The following RUBCN variants were observed in gnomAD, a reference collection of about 807,000 sequenced individuals.
The protein encoded by RUBCN is run domain Beclin-1-interacting and cysteine-rich domain-containing protein.
RUBCN carries 74 observed loss-of-function variants against 113.2 expected under a neutral mutation model. The observed-to-expected ratio is 0.65, with a 90% confidence interval of 0.54 to 0.79. The LOEUF (loss-of-function observed/expected upper bound fraction) is 0.79, where lower values mean the gene tolerates loss of function less well. Ranked by LOEUF, RUBCN falls within the 30% of genes least tolerant of loss-of-function variation. RUBCN has a pLI of 0.00. For missense variants in RUBCN, 1,109 were observed against 1,251.7 expected (o/e 0.89, Z 1.72); for synonymous variants, 480 against 490.0 (o/e 0.98, Z 0.27).
chr3:197,705,144 A>G lies in RUBCN; in HGVS notation c.251T>C (p.Phe84Ser). 6.2e-7 allele frequency: 1 copy of G among 1,614,180 alleles called. No homozygotes were observed. Among genetic ancestry groups the G allele is most frequent in the Non-Finnish European group, 8.5e-7 (1 of 1,180,022 alleles). ...ACTGAGCCACCGGATGTCTTTCACG[A>G]ACTGCCAGTAATCCGTCTGGCGGCG... ...ACRRQTDYWQFVKDIRWLSPH... is the reference protein window; with the variant it reads ...ACRRQTDYWQSVKDIRWLSPH... Residue 84 changes from phenylalanine (F) to serine (S), a missense_variant, in exon 3 of 20, where the codon TTC becomes TCC. Phe to Ser is a radical substitution (Grantham distance 155). This residue lies in a region of RUBCN where 736 missense variants were observed against 779.6 expected (regional missense o/e 0.94). Transcript: ENST00000296343.
intron 1 of RUBCN, 127 bp downstream of exon 1, chr3:197,736,528 C>A: frequency 1.7e-6 from 1 of 574,542 alleles, no homozygotes; most frequent in Non-Finnish European, 2.9e-6. Context: ...CCAAACAAGT[C>A]CTCCGCAGCC....
rs1720240228 is a variant in RUBCN, at chr3:197,675,276, C to G, written c.2741-80G>C. The G allele has an allele frequency of 3.8e-6, 6 of 1,574,514 alleles. No individual in the cohort carries two copies. The highest frequency in any genetic ancestry group is 5.2e-6 in the Non-Finnish European group (6 of 1,144,946). On this transcript the variant is annotated intron_variant, in intron 19 of 19. Coordinates refer to ENST00000296343, the MANE Select transcript of RUBCN (RefSeq NM_014687.4). This position sits in a 1 kb window ranked among gnomAD's most constrained non-coding sequence, Gnocchi z 4.4. ...CTAGAGGTCAGTTGCTGCCACAGCC[C>G]CTTCTCGCCACCAAGGCGTGGTGTC...
intron 17 of RUBCN, 48 bp from the exon 18 acceptor site, chr3:197,677,086 C>T: frequency 1.9e-6 from 3 of 1,566,676 alleles, no homozygotes; most frequent in Non-Finnish European, 2.6e-6. Flanking sequence ...AGTGCATGTG[C>T]CACATCGTAG....
chr3:197,712,825 C>T lies in RUBCN; in HGVS notation c.219+5152G>A, dbSNP rs555728376. On this transcript the variant is annotated intron_variant, in intron 2 of 19. Coordinates refer to ENST00000296343, the MANE Select transcript of RUBCN (RefSeq NM_014687.4). ...GATGATCATATGCTTTGATATTTTT[C>T]ATTCTGATGACCAGATACTTTCACA... is the stretch of plus-strand genomic sequence containing the variant. 4.6e-5 allele frequency among the ~76,000 whole-genome samples: 7 copies of T among 151,738 alleles called. No homozygotes were observed. The East Asian group carries it at 1.2e-3, about 25-fold the overall frequency.
Position 197,695,943 on chromosome 3 carries a change from G to A in RUBCN, c.1396C>T (p.Arg466Ter), listed in dbSNP as rs946374757. 9 of 1,614,100 alleles carry A rather than the reference G, an allele frequency of 5.6e-6. No homozygotes were observed. Among genetic ancestry groups the A allele is most frequent in the Non-Finnish European group, 6.8e-6 (8 of 1,180,018 alleles). ...RYLCSGEGMF[R>*]RPSEGQSLIS... ...AGGGACTGTCCTTCTGATGGTCTTC[G>A]GAACATGCCTTCCCCTGAGCACAGG... Residue 466 changes from arginine (R) to a stop codon, truncating the protein, a stop_gained, in exon 9 of 20, where the codon CGA becomes TGA. Coordinates refer to ENST00000296343, the MANE Select transcript of RUBCN (RefSeq NM_014687.4). LOFTEE classifies it high-confidence loss of function.
At chr3:197,732,573 A>G (rs1727644089) in intron 1 of RUBCN, among the ~76,000 whole-genome samples, 1 of 152,218 alleles carries the variant, frequency 6.6e-6, no homozygotes, top group Admixed American at 6.5e-5. Flanking sequence ...TTGGCCTCCC[A>G]AAGTGTTGGG....
chr3:197,738,949 C>G (rs143707453), upstream of RUBCN, among the ~76,000 whole-genome samples: 231 of 151,908 alleles, frequency 1.5e-3, no homozygotes, highest in Non-Finnish European at 2.8e-3. Context: ...AGTATAATCC[C>G]AAATTAACAC....
Position 197,677,507 on chromosome 3 carries a change from A to G in RUBCN, c.2465T>C (p.Met822Thr). The G allele has an allele frequency of 6.2e-7, 1 of 1,614,172 alleles. No homozygotes were observed. The highest frequency in any genetic ancestry group is 1.1e-5 in the South Asian group (1 of 91,084). The change falls in exon 17 of 20, where the codon ATG (methionine) becomes ACG (threonine). Residue 822 changes from methionine (M) to threonine (T), a missense_variant. Met to Thr is a moderately conservative substitution (Grantham distance 81). This residue lies in a region of RUBCN where 306 missense variants were observed against 348.9 expected (regional missense o/e 0.88). Transcript: ENST00000296343. ...CTTGGCCAGTCGGCAAGTCTTGAAC[A>G]TGTTCTTCATGTGACACAGCTGGAC... is the stretch of plus-strand genomic sequence containing the variant. ...LRVQLCHMKN[M>T]FKTCRLAKEL...
intron 2 of RUBCN, among the ~76,000 whole-genome samples, chr3:197,712,687 T>C (rs1438313666): frequency 6.6e-6 from 1 of 152,150 alleles, no homozygotes; most frequent in Non-Finnish European, 1.5e-5. Context: ...TTAGCTCTGC[T>C]TCTGATTACT....
intron 5 of RUBCN, among the ~76,000 whole-genome samples, chr3:197,703,126 C>T (rs764546270): frequency 2.6e-5 from 4 of 151,964 alleles, no homozygotes; most frequent in Non-Finnish European, 5.9e-5. Context: ...TGGCCGGGCG[C>T]GGTGGCTCAG....
intron 1 of RUBCN, among the ~76,000 whole-genome samples, chr3:197,723,372 G>A (rs965014329): frequency 1.3e-5 from 2 of 152,036 alleles, no homozygotes; most frequent in Admixed American, 6.6e-5. Context: ...TTTTAGTAGA[G>A]ACGGGGTTTC....
intron 1 of RUBCN, among the ~76,000 whole-genome samples, chr3:197,732,503 CG>C (rs370286577): frequency 2.7e-4 from 41 of 152,244 alleles, no homozygotes; most frequent in African/African-American, 9.9e-4. Flanking sequence ...TTAGTAGAGA[CG>C]GGGTTTCACT....
At chr3:197,721,548 C>T (rs1169266757) in intron 1 of RUBCN, among the ~76,000 whole-genome samples, 1 of 151,942 alleles carries the variant, frequency 6.6e-6, no homozygotes, top group South Asian at 2.1e-4. Context: ...ACAAACAACT[C>T]TTTTGTTAAT....
chr3:197,708,139 AT>A (rs781181012), intron 2 of RUBCN, among the ~76,000 whole-genome samples: 103 of 147,746 alleles, frequency 7.0e-4, no homozygotes, highest in Admixed American at 1.2e-3. Context: ...TATGTAAACA[AT>A]TTTTTTTTTT....
chr3:197,715,913 G>T (rs1442387230), intron 2 of RUBCN, among the ~76,000 whole-genome samples: 4 of 152,056 alleles, frequency 2.6e-5, no homozygotes, highest in African/African-American at 7.2e-5. Context: ...AATAACAAAA[G>T]TCTAAATTTA....
chr3:197,683,232 G>A lies in RUBCN; in HGVS notation c.1980+75C>T, dbSNP rs1211388709. Reference sequence around the variant, plus strand: ...ACACCCAGGCTCATTCCAGACTAGGGACATGTGACGAAGGAAAACAAGGTC... The same window carrying A: ...ACACCCAGGCTCATTCCAGACTAGGAACATGTGACGAAGGAAAACAAGGTC... On this transcript the variant is annotated intron_variant, in intron 13 of 19. Transcript: ENST00000296343. The surrounding 1 kb of genome is among the most constrained non-coding windows in gnomAD (Gnocchi z 4.6). The A allele has an allele frequency of 6.4e-7, 1 of 1,566,890 alleles. No homozygotes were observed. Among genetic ancestry groups the A allele is most frequent in the Non-Finnish European group, 8.8e-7 (1 of 1,137,126 alleles).
chr3:197,722,848 A>G (rs983945541), intron 1 of RUBCN, among the ~76,000 whole-genome samples: 1 of 152,116 alleles, frequency 6.6e-6, no homozygotes, highest in African/African-American at 2.4e-5. Flanking sequence ...GTATGTCCTC[A>G]CATGTGAAGT....
chr3:197,715,059 G>A (rs1422609596), intron 2 of RUBCN, among the ~76,000 whole-genome samples: 2 of 152,042 alleles, frequency 1.3e-5, no homozygotes, highest in African/African-American at 4.8e-5. Context: ...GGAGGTCGAG[G>A]CAGGCGGATC....
intron 4 of RUBCN, 50 bp downstream of exon 4, chr3:197,704,492 G>A: frequency 6.4e-7 from 1 of 1,555,446 alleles, no homozygotes; most frequent in Admixed American, 1.7e-5. Context: ...ATAGTGAGGT[G>A]GGTGACAACG....
Sources: allele counts gnomAD v4.1 joint callset (sites outside exome capture counted in the v4.1 genomes callset), GRCh38; gene constraint gnomAD v4.1.1; regional missense constraint gnomAD v4.1.1; non-coding constraint Gnocchi (gnomAD v3.1); transcripts MANE v1.5; gene names NCBI Gene and HGNC (gene_info 2026-07-23, HGNC 2026-07-21).